The following CADPS variants were observed in gnomAD, a reference collection of about 807,000 sequenced individuals.
CADPS encodes the protein calcium-dependent secretion activator 1.
Under a neutral mutation model 167.3 loss-of-function variants are expected in CADPS, and 57 were observed. The observed-to-expected ratio is 0.34, with a 90% CI of 0.28 to 0.42. CADPS has a LOEUF of 0.42. CADPS is among the 20% of genes least tolerant of loss of function. The probability of loss-of-function intolerance (pLI) is 1.00; values close to 1 mark genes in which losing one functional copy is unlikely to be tolerated. For synonymous variants in CADPS, 676 were observed against 635.3 expected (o/e 1.06, Z -0.96); for missense variants, 1,414 against 1,738.1 (o/e 0.81, Z 3.32).
At chr3:62,771,869 A>G (rs984344631) in intron 1 of CADPS, among the ~76,000 whole-genome samples, 3 of 152,204 alleles carry the variant, frequency 2.0e-5, no homozygotes, top group African/African-American at 7.2e-5. Context: ...GAAGTGTGAA[A>G]TGTGATCTGC....
chr3:62,482,449 G>A (rs9873853), intron 21 of CADPS, among the ~76,000 whole-genome samples: 12,713 of 152,176 alleles, frequency 0.084, 1,157 homozygotes, highest in African/African-American at 0.23. Flanking sequence ...ATGGGCAATG[G>A]CATGTCAGTT....
chr3:62,402,466 AC>A (rs1423262468), intron 29 of CADPS, among the ~76,000 whole-genome samples: 1 of 152,212 alleles, frequency 6.6e-6, no homozygotes, highest in Non-Finnish European at 1.5e-5. Flanking sequence ...TTTCATGTAA[AC>A]CACTGAGATT....
chr3:62,571,013 G>T, intron 8 of CADPS, 75 bp from the exon 9 acceptor site: 1 of 992,032 alleles, frequency 1.0e-6, no homozygotes, highest in Non-Finnish European at 1.6e-6. Context: ...TTGCCGTGAA[G>T]CTTGGTACTT....
intron 21 of CADPS, among the ~76,000 whole-genome samples, chr3:62,484,855 C>T (rs573624422): frequency 1.1e-4 from 17 of 152,248 alleles, no homozygotes; most frequent in African/African-American, 3.1e-4. Flanking sequence ...AAAATGCCTT[C>T]TACTTTTATG....
chr3:62,581,630 A>G (rs1190144854), intron 8 of CADPS, among the ~76,000 whole-genome samples: 4 of 151,954 alleles, frequency 2.6e-5, no homozygotes, highest in African/African-American at 7.2e-5. Context: ...GCAGTAAGCT[A>G]TGATAGCACC....
intron 6 of CADPS, among the ~76,000 whole-genome samples, chr3:62,623,777 T>G (rs1056225760): frequency 3.3e-5 from 5 of 152,168 alleles, no homozygotes; most frequent in African/African-American, 1.2e-4. Flanking sequence ...TTCCCACGGC[T>G]GAACAATCAT....
At chr3:62,591,395 G>T (rs567875046) in intron 7 of CADPS, among the ~76,000 whole-genome samples, 22 of 152,198 alleles carry the variant, frequency 1.4e-4, no homozygotes, top group African/African-American at 4.8e-4. Context: ...CTCCAAGGAG[G>T]TGGCATTTAT....
intron 1 of CADPS, among the ~76,000 whole-genome samples, chr3:62,872,868 A>T (rs1034180908): frequency 3.3e-5 from 5 of 152,200 alleles, no homozygotes; most frequent in African/African-American, 2.4e-5. Context: ...AAGGAATGGA[A>T]TATTTTTGGC....
chr3:62,706,669 A>T (rs1375954882), intron 3 of CADPS, among the ~76,000 whole-genome samples: 2 of 152,050 alleles, frequency 1.3e-5, no homozygotes, highest in African/African-American at 4.8e-5. Context: ...TTGCAGAATT[A>T]ACACCCTCAT....
At chr3:62,675,441 C>T (rs1054243503) in intron 3 of CADPS, among the ~76,000 whole-genome samples, 2 of 152,064 alleles carry the variant, frequency 1.3e-5, no homozygotes, top group African/African-American at 4.8e-5. Context: ...TTAAACTTAG[C>T]TTGAGTTTAA....
At chr3:62,798,521 A>G (rs988702821) in intron 1 of CADPS, among the ~76,000 whole-genome samples, 5 of 152,104 alleles carry the variant, frequency 3.3e-5, no homozygotes, top group Non-Finnish European at 2.9e-5. Context: ...CAGATGGCCT[A>G]TTGTAGGACT....
Position 62,537,806 on chromosome 3 carries a change from T to C in CADPS, c.1967-1225A>G, listed in dbSNP as rs534755531. On this transcript the variant is annotated intron_variant, in intron 11 of 29. Coordinates refer to ENST00000383710, the MANE Select transcript of CADPS (RefSeq NM_003716.4). ...TATGGTTAGCAGTGTCACTTCCAGATGATGATTTCTCCTATTATTATTGAT... is the reference window on the plus strand; with the variant it reads ...TATGGTTAGCAGTGTCACTTCCAGACGATGATTTCTCCTATTATTATTGAT... 2.9e-4 allele frequency among the ~76,000 whole-genome samples: 44 copies of C among 152,098 alleles called. No homozygotes were observed. In the South Asian group the frequency reaches 8.9e-3, roughly 31 times the overall value.
chr3:62,458,863 G>T lies in CADPS; in HGVS notation c.3636+6504C>A, dbSNP rs773940019. ...AAAATACTGTGTGTGTCTTATGTTT[G>T]CTTTGAATGATATTCAGCTGTTCAC... On this transcript the variant is annotated intron_variant, in intron 26 of 29. Coordinates refer to ENST00000383710, the MANE Select transcript of CADPS (RefSeq NM_003716.4). The surrounding 1 kb of genome is among the most constrained non-coding windows in gnomAD (Gnocchi z 4.6). Among the ~76,000 whole-genome samples the T allele has an allele frequency of 6.6e-6, 1 of 152,174 alleles. No homozygotes were observed. The highest frequency in any genetic ancestry group is 6.5e-5 in the Admixed American group (1 of 15,272).
At chr3:62,555,243 G>A (rs1047639355) in intron 10 of CADPS, among the ~76,000 whole-genome samples, 2 of 152,016 alleles carry the variant, frequency 1.3e-5, no homozygotes, top group Non-Finnish European at 2.9e-5. Flanking sequence ...TACATCTTTC[G>A]TATAGAAATT....
At chr3:62,424,880 T>A (rs530078116) in intron 28 of CADPS, among the ~76,000 whole-genome samples, 1 of 152,340 alleles carries the variant, frequency 6.6e-6, no homozygotes, top group Non-Finnish European at 1.5e-5. Context: ...CAAGATACTA[T>A]CAGGGCTAGG....
intron 2 of CADPS, among the ~76,000 whole-genome samples, chr3:62,759,851 T>A (rs1316296781): frequency 1.3e-5 from 2 of 152,190 alleles, no homozygotes; most frequent in Admixed American, 6.5e-5. Flanking sequence ...TTGAAACACA[T>A]CTTTTCTACC....
At position 62,412,251 on chromosome 3, in the gene CADPS, G is replaced by A. The variant is rs1463127247; in HGVS notation, c.3778-9066C>T. 6.6e-6 allele frequency among the ~76,000 whole-genome samples: 1 copy of A among 151,348 alleles called. No individual in the cohort carries two copies. The highest frequency in any genetic ancestry group is 1.5e-5 in the Non-Finnish European group (1 of 67,938). On this transcript the variant is annotated intron_variant, in intron 28 of 29. Coordinates refer to ENST00000383710, the MANE Select transcript of CADPS (RefSeq NM_003716.4). This position sits in a 1 kb window ranked among gnomAD's most constrained non-coding sequence, Gnocchi z 4.1. The stretch of plus-strand genomic sequence containing the variant: ...AGTGCTGTGGCTTTTCAGGATGGCC[G>A]GGTCCTAAAGTTTGGACGGCAGCTC...
intron 13 of CADPS, among the ~76,000 whole-genome samples, chr3:62,518,716 T>C (rs1303663581): frequency 6.6e-6 from 1 of 152,158 alleles, no homozygotes; most frequent in African/African-American, 2.4e-5. Context: ...CATTGCTAAA[T>C]TGTATTACCT....
At chr3:62,423,142 G>T (rs1483696409) in intron 28 of CADPS, among the ~76,000 whole-genome samples, 1 of 152,218 alleles carries the variant, frequency 6.6e-6, no homozygotes, top group Non-Finnish European at 1.5e-5. Context: ...GTCTCTTTCA[G>T]CTGAGGATGG....
Sources: gnomAD v4.1 joint callset for allele counts (sites outside exome capture counted in the v4.1 genomes callset) on GRCh38, gnomAD v4.1.1 for gene constraint, Gnocchi (gnomAD v3.1) non-coding constraint, MANE v1.5 for transcripts, NCBI Gene and HGNC (gene_info 2026-07-23, HGNC 2026-07-21) for gene names.